PARN: variants seen among roughly 807,000 people sequenced by gnomAD.
The protein encoded by PARN is poly(A)-specific ribonuclease PARN.
PARN carries 71 observed loss-of-function variants against 102.8 expected under a neutral mutation model. The ratio of observed to expected loss-of-function variants is 0.69; its 90% CI spans 0.57 to 0.84. The LOEUF is 0.84. Among genes scored for constraint, PARN ranks in the 40% least tolerant of loss-of-function variants. The pLI is 0.00. For synonymous variants in PARN, 261 were observed against 252.9 expected, an observed-to-expected ratio of 1.03 and a Z score of -0.30; for missense variants, 782 against 760.9, an observed-to-expected ratio of 1.03 and a Z score of -0.33.
chr16:14,554,371 C>A (rs1366593415), intron 19 of PARN, among the ~76,000 whole-genome samples: 2 of 152,114 alleles, frequency 1.3e-5, no homozygotes, highest in African/African-American at 4.8e-5. Context: ...ACAACTTGAA[C>A]CCAATGCAAA....
At chr16:14,512,580 G>A (rs1258954216) in intron 21 of PARN, among the ~76,000 whole-genome samples, 1 of 152,148 alleles carries the variant, frequency 6.6e-6, no homozygotes, top group Non-Finnish European at 1.5e-5. Flanking sequence ...TCTATGAGGA[G>A]GAGGCTCACT....
chr16:14,442,446 C>T (rs1960984001), intron 23 of PARN, among the ~76,000 whole-genome samples: 1 of 151,832 alleles, frequency 6.6e-6, no homozygotes, highest in African/African-American at 2.4e-5. Flanking sequence ...GTCATATCAA[C>T]AAAAAAGGAG....
intron 18 of PARN, among the ~76,000 whole-genome samples, chr16:14,574,709 T>C (rs1177228924): frequency 6.6e-6 from 1 of 151,682 alleles, no homozygotes; most frequent in Non-Finnish European, 1.5e-5. Context: ...TGAGACCCCA[T>C]CTCAAAAAAA....
At chr16:14,448,909 C>T (rs1330935197) in intron 22 of PARN, among the ~76,000 whole-genome samples, 8 of 152,118 alleles carry the variant, frequency 5.3e-5, no homozygotes, top group South Asian at 4.1e-4. Flanking sequence ...GGTAATGTTT[C>T]GGCAGTGGGG....
intron 16 of PARN, among the ~76,000 whole-genome samples, chr16:14,583,190 T>C (rs1969636078): frequency 6.6e-6 from 1 of 152,248 alleles, no homozygotes; most frequent in Non-Finnish European, 1.5e-5. Context: ...AGGAATGACC[T>C]GCTTTAGACT....
At chr16:14,499,393 G>A (rs1442962889) in intron 21 of PARN, among the ~76,000 whole-genome samples, 1 of 152,170 alleles carries the variant, frequency 6.6e-6, no homozygotes, top group Non-Finnish European at 1.5e-5. Flanking sequence ...CAGGGAGAGC[G>A]AACTTTTCCC....
At chr16:14,517,906 A>C (rs1376562635) in intron 21 of PARN, among the ~76,000 whole-genome samples, 1 of 152,056 alleles carries the variant, frequency 6.6e-6, no homozygotes, top group Non-Finnish European at 1.5e-5. Flanking sequence ...CCTGGCCTCA[A>C]GTGATCCACT....
chr16:14,443,422 C>G (rs1019066152), intron 23 of PARN, among the ~76,000 whole-genome samples: 1 of 150,816 alleles, frequency 6.6e-6, no homozygotes, highest in Non-Finnish European at 1.5e-5. Flanking sequence ...CTCACTGCAA[C>G]CTCTGCCTCC....
At chr16:14,604,774 C>T (rs1003982385) in intron 10 of PARN, among the ~76,000 whole-genome samples, 2 of 151,910 alleles carry the variant, frequency 1.3e-5, no homozygotes, top group Non-Finnish European at 2.9e-5. Flanking sequence ...CACCAATACG[C>T]CCAGCTAATT....
In PARN at chr16:14,586,535, C is replaced by T. The variant is rs1183845572; in HGVS notation, c.919-174G>A. Among the ~76,000 whole-genome samples, 3 of 152,136 alleles carry T rather than the reference C, an allele frequency of 2.0e-5. No homozygotes were observed. In the East Asian group the frequency reaches 5.8e-4, roughly 29 times the overall value. ...AGTACAAAAAAAACACAAAACCTTC[C>T]CAATTTCCTCACTCATTGGGAACCA... is the stretch of plus-strand genomic sequence containing the variant. On this transcript the variant is annotated intron_variant, in intron 13 of 23. Transcript: ENST00000437198.
intron 21 of PARN, among the ~76,000 whole-genome samples, chr16:14,551,031 T>G (rs570187027): frequency 1.3e-5 from 2 of 151,850 alleles, no homozygotes; most frequent in South Asian, 4.2e-4. Context: ...GTGCGGATGT[T>G]GGCTCACTGC....
At chr16:14,581,561 G>A (rs1029494956) in intron 17 of PARN, among the ~76,000 whole-genome samples, 3 of 152,064 alleles carry the variant, frequency 2.0e-5, no homozygotes, top group Non-Finnish European at 4.4e-5. Flanking sequence ...TCCCCAGTAC[G>A]ATGGTATTTG....
At chr16:14,465,138 G>A (rs1327372478) in intron 22 of PARN, among the ~76,000 whole-genome samples, 5 of 152,150 alleles carry the variant, frequency 3.3e-5, no homozygotes, top group Admixed American at 6.6e-5. Flanking sequence ...TGTGAACACA[G>A]CTCACTGCAG....
chr16:14,568,755 C>A, intron 18 of PARN, among the ~76,000 whole-genome samples: 1 of 151,714 alleles, frequency 6.6e-6, no homozygotes, highest in East Asian at 1.9e-4. Flanking sequence ...GTTAGCAGGG[C>A]ATGGTGGCAC....
chr16:14,602,880 G>A (rs1225969779), intron 11 of PARN, among the ~76,000 whole-genome samples: 1 of 151,984 alleles, frequency 6.6e-6, no homozygotes, highest in East Asian at 1.9e-4. Context: ...CTCATCCTCA[G>A]TGAAGCCACA....
intron 18 of PARN, among the ~76,000 whole-genome samples, chr16:14,561,637 CT>C (rs1477452398): frequency 6.6e-6 from 1 of 152,134 alleles, no homozygotes; most frequent in Non-Finnish European, 1.5e-5. Context: ...CATGGTGAGA[CT>C]CCTGTCTTTA....
At chr16:14,459,732 A>G (rs1247765607) in intron 22 of PARN, among the ~76,000 whole-genome samples, 1 of 152,244 alleles carries the variant, frequency 6.6e-6, no homozygotes, top group Non-Finnish European at 1.5e-5. Context: ...TAAAGGTACA[A>G]TATTTGATTT....
chr16:14,506,440 T>C (rs940273548), intron 21 of PARN, among the ~76,000 whole-genome samples: 1 of 152,196 alleles, frequency 6.6e-6, no homozygotes, highest in Admixed American at 6.5e-5. Flanking sequence ...AGTGTTAAAT[T>C]TCCTGAGTGT....
At chr16:14,480,150 T>C (rs549471031) in intron 22 of PARN, among the ~76,000 whole-genome samples, 3 of 151,736 alleles carry the variant, frequency 2.0e-5, no homozygotes, top group African/African-American at 7.2e-5. Context: ...CTGGGCAACA[T>C]GGCGAAACCC....
Sources: gnomAD v4.1 joint callset for allele counts (sites outside exome capture counted in the v4.1 genomes callset) on GRCh38, gnomAD v4.1.1 for gene constraint, MANE v1.5 for transcripts, NCBI Gene and HGNC (gene_info 2026-07-23, HGNC 2026-07-21) for gene names.